The following DTNB variants were observed in gnomAD, a reference collection of about 807,000 sequenced individuals.
The protein encoded by DTNB is dystrobrevin beta, also known as DTN-B.
A neutral mutation model predicts 90.7 loss-of-function variants in DTNB; 63 were observed. The observed-to-expected ratio is 0.69, with a 90% CI of 0.57 to 0.86. The LOEUF is 0.86. Among genes scored for constraint, DTNB ranks in the 40% least tolerant of loss-of-function variants. The pLI is 0.00. For synonymous variants in DTNB, 277 were observed against 286.7 expected, an observed-to-expected ratio of 0.97 and a Z score of 0.34; for missense variants, 744 against 807.1, an observed-to-expected ratio of 0.92 and a Z score of 0.95.
Position 25,417,603 on chromosome 2 carries a change from T to A in DTNB, c.1575+1912A>T, listed in dbSNP as rs139780304. On this transcript the variant is annotated intron_variant, in intron 16 of 20. Coordinates refer to ENST00000406818, the MANE Select transcript of DTNB (RefSeq NM_021907.5). ...TGGAGCTGGCACACGCAGAGAGAGA[T>A]CAGAAGATGCTGTTAGTCTGGGCAG... is the stretch of plus-strand genomic sequence containing the variant. Among the ~76,000 whole-genome samples the A allele has an allele frequency of 2.0e-5, 3 of 152,246 alleles. No individual in the cohort carries two copies. The East Asian group carries it at 5.8e-4, about 29-fold the overall frequency.
chr2:25,477,024 G>A (rs374418882), intron 10 of DTNB, among the ~76,000 whole-genome samples: 147 of 152,274 alleles, frequency 9.7e-4, no homozygotes, highest in African/African-American at 3.3e-3. Context: ...AGCTATCCCA[G>A]TCTTCAGCAA....
intron 9 of DTNB, among the ~76,000 whole-genome samples, chr2:25,500,452 T>C (rs2070297936): frequency 6.6e-6 from 1 of 152,144 alleles, no homozygotes; most frequent in Non-Finnish European, 1.5e-5. Flanking sequence ...TCAGGCCAAC[T>C]ACGCTGTTCA....
intron 16 of DTNB, among the ~76,000 whole-genome samples, chr2:25,390,338 A>T (rs971438163): frequency 6.6e-6 from 1 of 152,188 alleles, no homozygotes; most frequent in African/African-American, 2.4e-5. Flanking sequence ...AAAACTATAA[A>T]ATTTCTCTAA....
intron 19 of DTNB, 118 bp from the exon 20 acceptor site, chr2:25,379,441 C>T (rs2304427): frequency 0.31 from 378,553 of 1,220,320 alleles, 60,169 homozygotes; most frequent in Middle Eastern, 0.36. Context: ...TTGCTTCTCC[C>T]GTTACTCGTT....
chr2:25,621,857 A>T (rs1225840994), intron 4 of DTNB, among the ~76,000 whole-genome samples: 1 of 151,960 alleles, frequency 6.6e-6, no homozygotes, highest in Non-Finnish European at 1.5e-5. Context: ...TTTACACCAA[A>T]GGAATCTTTC....
intron 10 of DTNB, among the ~76,000 whole-genome samples, chr2:25,463,623 T>C (rs756471731): frequency 1.8e-4 from 27 of 152,236 alleles, no homozygotes; most frequent in Non-Finnish European, 3.4e-4. Context: ...TCAATAAATC[T>C]GTTTAAAAAA....
At chr2:25,444,696 A>G (rs896981058) in intron 12 of DTNB, among the ~76,000 whole-genome samples, 4 of 152,208 alleles carry the variant, frequency 2.6e-5, no homozygotes, top group African/African-American at 7.2e-5. Flanking sequence ...ACGCTGAAGC[A>G]TGCTACAGGG....
At chr2:25,414,490 G>A (rs1025353903) in intron 16 of DTNB, among the ~76,000 whole-genome samples, 22 of 152,098 alleles carry the variant, frequency 1.4e-4, no homozygotes, top group Non-Finnish European at 3.1e-4. Context: ...TCCTGACCTC[G>A]TGATTCACCT....
At chr2:25,641,465 T>A (rs1341543325) in intron 2 of DTNB, among the ~76,000 whole-genome samples, 22 of 152,258 alleles carry the variant, frequency 1.4e-4, no homozygotes, top group Middle Eastern at 3.4e-3. Flanking sequence ...ATTTTATTTT[T>A]TTGCCCAGGA....
At chr2:25,575,087 T>A (rs1367828659) in intron 8 of DTNB, among the ~76,000 whole-genome samples, 3 of 152,042 alleles carry the variant, frequency 2.0e-5, no homozygotes, top group Admixed American at 6.5e-5. Context: ...ATGAGGAAAT[T>A]CAAACCAGGG....
intron 4 of DTNB, among the ~76,000 whole-genome samples, chr2:25,627,352 T>C (rs531998847): frequency 1.4e-4 from 22 of 151,744 alleles, no homozygotes; most frequent in South Asian, 1.2e-3. Flanking sequence ...GTGGAGGTAG[T>C]GGTGAGCCGA....
intron 8 of DTNB, among the ~76,000 whole-genome samples, chr2:25,570,094 C>A (rs139421201): frequency 7.3e-6 from 1 of 136,184 alleles, no homozygotes; most frequent in Non-Finnish European, 1.5e-5. Flanking sequence ...AAGACTGCAT[C>A]TGGAAAAAAA....
chr2:25,638,789 ATAC>A (rs1452742715), intron 3 of DTNB, among the ~76,000 whole-genome samples: 1 of 152,222 alleles, frequency 6.6e-6, no homozygotes. Context: ...AAGAACATTA[ATAC>A]TACAACAGCC....
Position 25,591,086 on chromosome 2 carries a change from G to A in DTNB, c.603+5000C>T, listed in dbSNP as rs371420083. Among the ~76,000 whole-genome samples, 19 of 152,340 alleles carry A rather than the reference G, an allele frequency of 1.2e-4. No individual in the cohort carries two copies. In the South Asian group the frequency reaches 2.1e-3, roughly 17 times the overall value. On this transcript the variant is annotated intron_variant, in intron 6 of 20. Coordinates refer to ENST00000406818, the MANE Select transcript of DTNB (RefSeq NM_021907.5). ...CCAGGCTGCAACAGTGCCCGAGCTC[G>A]GCCTCAGCCTCGCTCTGACACTGGA...
intron 10 of DTNB, among the ~76,000 whole-genome samples, chr2:25,482,162 A>G (rs907413475): frequency 2.6e-5 from 4 of 152,174 alleles, no homozygotes; most frequent in African/African-American, 9.7e-5. Context: ...AACAGCTTAT[A>G]CCAAATAGAA....
At chr2:25,456,548 T>C (rs1160693971) in intron 10 of DTNB, among the ~76,000 whole-genome samples, 2 of 152,162 alleles carry the variant, frequency 1.3e-5, no homozygotes, top group African/African-American at 2.4e-5. Context: ...ATGTGACTGA[T>C]ACATTTCTGG....
rs73922410 is a variant in DTNB, at chr2:25,515,296, A to G, written c.1001+16177T>C. ...GTTAAAATTGACAGGTATAGACTAAAATGTGTGTGGAAATGCAAAGGATTA... is the reference window on the plus strand; with the variant it reads ...GTTAAAATTGACAGGTATAGACTAAGATGTGTGTGGAAATGCAAAGGATTA... On this transcript the variant is annotated intron_variant, in intron 9 of 20. Transcript: ENST00000406818. 6.1e-3 allele frequency among the ~76,000 whole-genome samples: 935 copies of G among 152,318 alleles called. 10 individuals carry two copies. Among genetic ancestry groups the G allele is most frequent in the African/African-American group, 0.021 (892 of 41,572 alleles).
chr2:25,666,271 AAAG>A (rs1417261517), intron 1 of DTNB, among the ~76,000 whole-genome samples: 2 of 152,186 alleles, frequency 1.3e-5, no homozygotes, highest in Non-Finnish European at 2.9e-5. Context: ...TTGACATGTT[AAAG>A]AAGGGAAAAA....
intron 3 of DTNB, among the ~76,000 whole-genome samples, chr2:25,631,313 G>A (rs1375774369): frequency 6.6e-6 from 1 of 152,150 alleles, no homozygotes; most frequent in East Asian, 1.9e-4. Context: ...CAGAGGCTTG[G>A]TGCAGCGGCT....
Sources: gnomAD v4.1 joint callset for allele counts (sites outside exome capture counted in the v4.1 genomes callset) on GRCh38, gnomAD v4.1.1 for gene constraint, MANE v1.5 for transcripts, NCBI Gene and HGNC (gene_info 2026-07-23, HGNC 2026-07-21) for gene names.